The following CFAP58 variants were observed in gnomAD, a reference collection of about 807,000 sequenced individuals.
CFAP58 encodes the protein cilia and flagella associated protein 58.
A neutral mutation model predicts 119.5 loss-of-function variants in CFAP58; 88 were observed. The observed-to-expected ratio is 0.74, with a 90% CI of 0.62 to 0.88. The LOEUF is 0.88. Ranked by LOEUF, CFAP58 falls within the 40% of genes least tolerant of loss-of-function variation. The pLI, the probability that CFAP58 is intolerant of heterozygous loss-of-function variation, is 0.00. For synonymous variants in CFAP58, 365 were observed against 366.3 expected, an observed-to-expected ratio of 1.00 and a Z score of 0.04; for missense variants, 990 against 1,021.2, an observed-to-expected ratio of 0.97 and a Z score of 0.42.
chr10:104,367,736 T>A (rs1449066525), intron 5 of CFAP58, among the ~76,000 whole-genome samples: 1 of 152,212 alleles, frequency 6.6e-6, no homozygotes, highest in Non-Finnish European at 1.5e-5. Context: ...TCTATTTTTA[T>A]CCTGCAATTC....
chr10:104,436,263 G>A (rs1469431699), intron 15 of CFAP58, among the ~76,000 whole-genome samples: 2 of 152,164 alleles, frequency 1.3e-5, no homozygotes, highest in African/African-American at 4.8e-5. Context: ...TATTAGAGTA[G>A]TGTATGTATA....
At position 104,393,361 on chromosome 10, in the gene CFAP58, G is replaced by A. The variant is rs1415209753; in HGVS notation, c.1560G>A (p.Lys520=). 2 of 1,613,990 alleles carry A rather than the reference G, an allele frequency of 1.2e-6. No homozygotes were observed. Among genetic ancestry groups the A allele is most frequent in the Admixed American group, 1.7e-5 (1 of 60,010 alleles). ...TAACAGATATGAAGAGAAAGTTAAA[G>A]ATTATGATCCATCAGGTAGATGAGC... ...DEITDMKRKL[K]IMIHQVDELK... Residue 520 remains lysine (K), a synonymous_variant, in exon 11 of 18, where the codon AAG becomes AAA. Coordinates refer to ENST00000369704, the MANE Select transcript of CFAP58 (RefSeq NM_001008723.2).
chr10:104,405,730 A>C (rs1199520576), intron 14 of CFAP58, among the ~76,000 whole-genome samples: 2 of 152,248 alleles, frequency 1.3e-5, no homozygotes, highest in African/African-American at 4.8e-5. Flanking sequence ...GGTCCCCATC[A>C]TAGACTGCAG....
intron 15 of CFAP58, among the ~76,000 whole-genome samples, chr10:104,408,510 G>T (rs2012402370): frequency 6.6e-6 from 1 of 152,212 alleles, no homozygotes. Flanking sequence ...CTGGTTAAGT[G>T]CTAGGGTGGG....
intron 9 of CFAP58, among the ~76,000 whole-genome samples, chr10:104,383,738 C>G (rs375861149): frequency 5.8e-5 from 8 of 137,342 alleles, no homozygotes; most frequent in African/African-American, 2.1e-4. Flanking sequence ...ATATTTCTTT[C>G]TTTCTTTACT....
At chr10:104,351,421 A>G (rs12359649), upstream of CFAP58, among the ~76,000 whole-genome samples, 36,643 of 152,194 alleles carry the variant, frequency 0.24, 4,667 homozygotes, top group Middle Eastern at 0.3. Context: ...ATCTTAACAC[A>G]GAAGAATTTG....
At chr10:104,414,839 T>C (rs893812683) in intron 15 of CFAP58, among the ~76,000 whole-genome samples, 6 of 152,050 alleles carry the variant, frequency 3.9e-5, no homozygotes, top group Non-Finnish European at 8.8e-5. Flanking sequence ...CCGGCTAATT[T>C]TTTTTGTATT....
chr10:104,376,756 G>A (rs1160047148), intron 7 of CFAP58, 55 bp from the exon 8 acceptor site: 34 of 1,432,928 alleles, frequency 2.4e-5, no homozygotes, highest in Non-Finnish European at 3.2e-5. Context: ...GGCTTTTGTA[G>A]ATTCTCTTAG....
chr10:104,454,433 C>G lies in CFAP58; in HGVS notation c.2522C>G (p.Thr841Arg), dbSNP rs368177180. 1.7e-5 allele frequency: 28 copies of G among 1,613,180 alleles called. No homozygotes were observed. The African/African-American group carries it at 3.3e-4, about 19-fold the overall frequency. ...CTCCTCTCTTACAGAAACAAGGACACAGCACCCATGGATAACACCTTCTTA... is the reference window on the plus strand; with the variant it reads ...CTCCTCTCTTACAGAAACAAGGACAGAGCACCCATGGATAACACCTTCTTA... Reference protein sequence around the residue: ...RKEQLQKNKDTAPMDNTFLMV... With the variant: ...RKEQLQKNKDRAPMDNTFLMV... The change falls in exon 18 of 18, where the codon ACA becomes AGA. Residue 841 changes from threonine (T) to arginine (R), a missense_variant. By Grantham distance (71) the Thr-to-Arg change is moderately conservative. Coordinates refer to ENST00000369704, the MANE Select transcript of CFAP58 (RefSeq NM_001008723.2).
chr10:104,367,271 C>T (rs1342520611), intron 5 of CFAP58, among the ~76,000 whole-genome samples: 1 of 152,130 alleles, frequency 6.6e-6, no homozygotes, highest in African/African-American at 2.4e-5. Context: ...TTTAGGGTGA[C>T]ACAAGTATTA....
chr10:104,382,368 C>T, intron 9 of CFAP58: 1 of 539,064 alleles, frequency 1.9e-6, no homozygotes, highest in Non-Finnish European at 3.4e-6. Flanking sequence ...TCATCTGTTG[C>T]AGCCTCCAGT....
chr10:104,365,015 G>C, intron 4 of CFAP58, 126 bp downstream of exon 4: 3 of 870,018 alleles, frequency 3.4e-6, no homozygotes, highest in Non-Finnish European at 5.2e-6. Context: ...AACATCCTCA[G>C]TTCTGCTTGT....
At chr10:104,448,153 C>A (rs2013139696) in intron 16 of CFAP58, among the ~76,000 whole-genome samples, 1 of 152,182 alleles carries the variant, frequency 6.6e-6, no homozygotes, top group Non-Finnish European at 1.5e-5. Context: ...CAGGGAGGAG[C>A]AAAGGAAATA....
intron 9 of CFAP58, among the ~76,000 whole-genome samples, chr10:104,388,926 T>C (rs1420184135): frequency 6.6e-6 from 1 of 152,182 alleles, no homozygotes; most frequent in Non-Finnish European, 1.5e-5. Context: ...GGAGCACCAA[T>C]TCTCTGGCTG....
chr10:104,399,194 G>GTGTGTGTT (rs1554920077), intron 11 of CFAP58, among the ~76,000 whole-genome samples, 166 bp from the exon 12 acceptor site: 2 of 152,036 alleles, frequency 1.3e-5, no homozygotes, highest in African/African-American at 4.8e-5. Context: ...GTGTGTGTGT[G>GTGTGTGTT]TGTGTGTTGT....
At chr10:104,423,627 A>C (rs1032850655) in intron 15 of CFAP58, among the ~76,000 whole-genome samples, 5 of 152,160 alleles carry the variant, frequency 3.3e-5, no homozygotes, top group Admixed American at 1.3e-4. Context: ...AGTCCAAAGG[A>C]AACATTTTCA....
intron 7 of CFAP58, among the ~76,000 whole-genome samples, chr10:104,373,367 C>A (rs1443409150): frequency 6.6e-6 from 1 of 152,058 alleles, no homozygotes; most frequent in African/African-American, 2.4e-5. Context: ...GGCATGGTGG[C>A]TTACACCTAT....
intron 7 of CFAP58, among the ~76,000 whole-genome samples, chr10:104,372,539 AG>A (rs2014838801): frequency 6.6e-6 from 1 of 152,178 alleles, no homozygotes; most frequent in Non-Finnish European, 1.5e-5. Context: ...GCATTATTCT[AG>A]GTGCTGGGTG....
At chr10:104,396,102 A>T (rs182170252) in intron 11 of CFAP58, among the ~76,000 whole-genome samples, 1 of 152,264 alleles carries the variant, frequency 6.6e-6, no homozygotes, top group East Asian at 1.9e-4. Context: ...TCATCTGCCC[A>T]TTGTGTCCCA....
Sources: gnomAD v4.1 joint callset for allele counts (sites outside exome capture counted in the v4.1 genomes callset) on GRCh38, gnomAD v4.1.1 for gene constraint, MANE v1.5 for transcripts, NCBI Gene and HGNC (gene_info 2026-07-23, HGNC 2026-07-21) for gene names.